SLIT3: variants seen among roughly 807,000 people sequenced by gnomAD.
The protein encoded by SLIT3 is slit homolog 3 protein.
A neutral mutation model predicts 184.0 loss-of-function variants in SLIT3; 68 were observed. That is an observed-to-expected ratio of 0.37 (90% CI 0.30 to 0.45). SLIT3 has a LOEUF of 0.45. SLIT3 is among the 20% of genes least tolerant of loss of function. The probability of loss-of-function intolerance (pLI) is 1.00; values close to 1 mark genes in which losing one functional copy is unlikely to be tolerated. For missense variants in SLIT3, 1,707 were observed against 2,026.0 expected (o/e 0.84, Z 3.02); for synonymous variants, 831 against 828.6 (o/e 1.00, Z -0.05).
At chr5:168,978,149 G>C (rs887210993) in intron 4 of SLIT3, among the ~76,000 whole-genome samples, 1 of 152,208 alleles carries the variant, frequency 6.6e-6, no homozygotes, top group African/African-American at 2.4e-5. Context: ...TCCCGCCTAT[G>C]AGCCAAACCC....
intron 5 of SLIT3, among the ~76,000 whole-genome samples, chr5:168,870,083 TAA>T (rs1322302209): frequency 6.6e-6 from 1 of 152,210 alleles, no homozygotes; most frequent in South Asian, 2.1e-4. Context: ...TCTGCTCCAA[TAA>T]AAGAGACCCA....
At chr5:168,865,097 GGC>G (rs1759249601) in intron 5 of SLIT3, among the ~76,000 whole-genome samples, 1 of 150,942 alleles carries the variant, frequency 6.6e-6, no homozygotes, top group South Asian at 2.1e-4. Flanking sequence ...GAACCTGGGA[GGC>G]GAGGCGGAGG....
intron 4 of SLIT3, among the ~76,000 whole-genome samples, chr5:169,173,046 G>A (rs950423785): frequency 6.6e-6 from 1 of 152,214 alleles, no homozygotes; most frequent in Non-Finnish European, 1.5e-5. Context: ...TGGATACCTT[G>A]AGGTCGGGAG....
intron 4 of SLIT3, among the ~76,000 whole-genome samples, chr5:169,116,407 T>G (rs1455474938): frequency 6.6e-6 from 1 of 152,120 alleles, no homozygotes; most frequent in African/African-American, 2.4e-5. Flanking sequence ...GACTTCATCA[T>G]TGGCAATAGG....
intron 4 of SLIT3, among the ~76,000 whole-genome samples, chr5:168,907,957 TATATATATATATATATATATATAGAGAG>T (rs1761121661): frequency 1.7e-5 from 1 of 57,624 alleles, no homozygotes; most frequent in Non-Finnish European, 3.7e-5. Context: ...TATATATATA[TATATATATATATATATATATATAGAGAG>T]AGAGAGAGAG....
chr5:169,280,582 G>A (rs1766963760), intron 1 of SLIT3, among the ~76,000 whole-genome samples: 1 of 152,162 alleles, frequency 6.6e-6, no homozygotes, highest in Admixed American at 6.5e-5. Context: ...ACACTCAGAG[G>A]ACACTCTTGC....
intron 4 of SLIT3, among the ~76,000 whole-genome samples, chr5:168,929,133 G>A (rs541989621): frequency 6.6e-6 from 1 of 152,258 alleles, no homozygotes; most frequent in South Asian, 2.1e-4. Context: ...CACAGATGGG[G>A]AAACCAAGGC....
At chr5:168,785,450 A>G (rs767009887) in intron 12 of SLIT3, among the ~76,000 whole-genome samples, 35 of 152,202 alleles carry the variant, frequency 2.3e-4, no homozygotes, top group Non-Finnish European at 4.6e-4. Flanking sequence ...GTGACTGATT[A>G]TGCTCCTCTC....
intron 4 of SLIT3, among the ~76,000 whole-genome samples, chr5:169,128,274 TTA>T (rs909114082): frequency 2.8e-4 from 41 of 146,566 alleles, no homozygotes; most frequent in African/African-American, 4.7e-4. Flanking sequence ...ATATATATAT[TTA>T]TATATATATA....
At chr5:168,926,713 C>T (rs933706649) in intron 4 of SLIT3, among the ~76,000 whole-genome samples, 13 of 64,202 alleles carry the variant, frequency 2.0e-4, no homozygotes, top group African/African-American at 1.2e-3. Flanking sequence ...GACTTTTCTA[C>T]GAAGAAGACT....
chr5:169,139,030 G>A (rs1761628117), intron 4 of SLIT3, among the ~76,000 whole-genome samples: 1 of 152,172 alleles, frequency 6.6e-6, no homozygotes, highest in Non-Finnish European at 1.5e-5. Context: ...TCAGCTTCCT[G>A]AAGAGATCAC....
At chr5:168,677,508 G>T (rs747461557) in intron 32 of SLIT3, among the ~76,000 whole-genome samples, 5 of 152,148 alleles carry the variant, frequency 3.3e-5, no homozygotes, top group Non-Finnish European at 7.3e-5. Context: ...GAATACATTG[G>T]CGTGATCTCA....
intron 1 of SLIT3, among the ~76,000 whole-genome samples, chr5:169,256,167 C>G (rs985385421): frequency 2.0e-5 from 3 of 151,980 alleles, no homozygotes; most frequent in African/African-American, 7.3e-5. Context: ...TGATATTTAG[C>G]CAGTCATGGT....
rs1010940526 is a variant in SLIT3 at position 169,300,825 on chromosome 5, G to C, written c.-116C>G. 9 of 1,081,024 alleles carry C rather than the reference G, an allele frequency of 8.3e-6. No homozygotes were observed. Among genetic ancestry groups the C allele is most frequent in the Non-Finnish European group, 1.1e-5 (9 of 856,540 alleles). The allele number at this position is 1,081,024 out of a possible 1,614,324, so 67.0% of individuals were successfully genotyped here. On this transcript the variant is annotated 5_prime_UTR_variant, in exon 1 of 36. Coordinates refer to ENST00000519560, the MANE Select transcript of SLIT3 (RefSeq NM_003062.4). This position sits in a 1 kb window ranked among gnomAD's most constrained non-coding sequence, Gnocchi z 4.1. ...GGGGAGCGGGCGGCGGAGTTAGCGC[G>C]GAGGAGGGGCGAGCTCGGTGCTCAG... is the stretch of plus-strand genomic sequence containing the variant.
At chr5:168,814,397 G>GCAAA (rs34174262) in intron 8 of SLIT3, among the ~76,000 whole-genome samples, 2,090 of 150,792 alleles carry the variant, frequency 0.014, 19 homozygotes, top group Non-Finnish European at 0.016. Flanking sequence ...ACTGTCTCAA[G>GCAAA]CAAACAAACA....
intron 4 of SLIT3, among the ~76,000 whole-genome samples, chr5:168,907,927 A>G (rs1373011683): frequency 9.7e-5 from 8 of 82,800 alleles, no homozygotes; most frequent in Non-Finnish European, 2.3e-4. Context: ...TATCTATTTT[A>G]TATATATATT....
chr5:169,263,044 T>G (rs187557868), intron 1 of SLIT3, among the ~76,000 whole-genome samples: 1 of 152,300 alleles, frequency 6.6e-6, no homozygotes, highest in Non-Finnish European at 1.5e-5. Flanking sequence ...GTGTCCTTAT[T>G]AGAAGAGGAG....
At chr5:169,071,992 G>A (rs548101028) in intron 4 of SLIT3, among the ~76,000 whole-genome samples, 1 of 152,088 alleles carries the variant, frequency 6.6e-6, no homozygotes, top group Non-Finnish European at 1.5e-5. Context: ...GTTGGCTTGA[G>A]TTGGAACTAG....
intron 4 of SLIT3, among the ~76,000 whole-genome samples, chr5:169,169,480 A>C (rs1762751528): frequency 6.6e-6 from 1 of 152,220 alleles, no homozygotes; most frequent in Non-Finnish European, 1.5e-5. Context: ...ACTCAGGAAA[A>C]TAAATTAGCT....
Sources: gnomAD v4.1 joint callset for allele counts (sites outside exome capture counted in the v4.1 genomes callset) on GRCh38, gnomAD v4.1.1 for gene constraint, Gnocchi (gnomAD v3.1) non-coding constraint, MANE v1.5 for transcripts, NCBI Gene and HGNC (gene_info 2026-07-23, HGNC 2026-07-21) for gene names.